The following EXOC4 variants were observed in gnomAD, a reference collection of about 807,000 sequenced individuals.
EXOC4 encodes the protein exocyst complex component 4.
EXOC4 carries 71 observed loss-of-function variants against 107.2 expected under a neutral mutation model. That is an observed-to-expected ratio of 0.66 (90% CI 0.55 to 0.81). The LOEUF (loss-of-function observed/expected upper bound fraction) is 0.81. EXOC4 is among the 30% of genes least tolerant of loss of function. EXOC4 has a pLI of 0.00. For missense variants in EXOC4, 1,108 were observed against 1,189.6 expected, an observed-to-expected ratio of 0.93 and a Z score of 1.01; for synonymous variants, 456 against 441.2, an observed-to-expected ratio of 1.03 and a Z score of -0.42.
At chr7:133,917,819 T>C in intron 13 of EXOC4, 81 bp downstream of exon 13, 7 of 1,364,932 alleles carry the variant, frequency 5.1e-6, no homozygotes, top group South Asian at 1.5e-5. Context: ...ACATGAAATT[T>C]AGGCAAATTC....
intron 12 of EXOC4, among the ~76,000 whole-genome samples, chr7:133,904,901 G>A (rs1799533815): frequency 6.6e-6 from 1 of 152,148 alleles, no homozygotes; most frequent in African/African-American, 2.4e-5. Flanking sequence ...CCCTCCCCCA[G>A]ATTGGCACCT....
intron 10 of EXOC4, among the ~76,000 whole-genome samples, chr7:133,795,062 C>G (rs1263664760): frequency 1.3e-5 from 2 of 150,488 alleles, no homozygotes; most frequent in Non-Finnish European, 2.9e-5. Flanking sequence ...GTTGAAGAGA[C>G]TATACAAAGA....
chr7:133,352,554 T>C (rs1398893826), intron 5 of EXOC4, among the ~76,000 whole-genome samples: 2 of 152,052 alleles, frequency 1.3e-5, no homozygotes, highest in Admixed American at 1.3e-4. Context: ...TGTGCCTTTG[T>C]AGACAGCATA....
chr7:133,991,461 C>A (rs1013065447), intron 14 of EXOC4, among the ~76,000 whole-genome samples: 5 of 151,898 alleles, frequency 3.3e-5, no homozygotes, highest in African/African-American at 9.7e-5. Flanking sequence ...TTGGCGTAAT[C>A]CCATTTGTTT....
chr7:133,670,149 C>A (rs1431864904), intron 10 of EXOC4, among the ~76,000 whole-genome samples: 1 of 152,116 alleles, frequency 6.6e-6, no homozygotes, highest in African/African-American at 2.4e-5. Context: ...AAGATTGGTG[C>A]CTACATTGCT....
chr7:133,806,160 G>A (rs746476966), intron 10 of EXOC4, among the ~76,000 whole-genome samples: 17 of 152,216 alleles, frequency 1.1e-4, no homozygotes, highest in Non-Finnish European at 2.5e-4. Flanking sequence ...GGGTAAACAA[G>A]TAGATAAATG....
intron 9 of EXOC4, chr7:133,483,939 G>C: frequency 8.2e-7 from 1 of 1,216,252 alleles, no homozygotes. Context: ...AACCGTAAGA[G>C]ACTAAGGGAA....
chr7:133,628,101 G>A (rs1316182944), intron 9 of EXOC4, among the ~76,000 whole-genome samples: 3 of 152,158 alleles, frequency 2.0e-5, no homozygotes, highest in Admixed American at 6.5e-5. Context: ...GAAACCAAAT[G>A]TTGCGAGTGT....
intron 10 of EXOC4, among the ~76,000 whole-genome samples, chr7:133,699,287 T>C (rs1006504326): frequency 6.6e-6 from 1 of 152,152 alleles, no homozygotes; most frequent in Non-Finnish European, 1.5e-5. Flanking sequence ...ACTGAGTCAG[T>C]GTTTTTTCCC....
intron 16 of EXOC4, among the ~76,000 whole-genome samples, chr7:134,006,519 G>A (rs893131199): frequency 6.6e-5 from 10 of 152,128 alleles, no homozygotes; most frequent in Non-Finnish European, 1.0e-4. Flanking sequence ...TGTAGCTGAA[G>A]CAAGACCTGA....
chr7:133,283,696 G>T (rs1048539245), intron 2 of EXOC4, among the ~76,000 whole-genome samples: 2 of 152,124 alleles, frequency 1.3e-5, no homozygotes, highest in Non-Finnish European at 2.9e-5. Context: ...TTTGGCAAAG[G>T]TATATATCAC....
intron 10 of EXOC4, among the ~76,000 whole-genome samples, chr7:133,781,780 T>G (rs555734558): frequency 6.6e-6 from 1 of 152,314 alleles, no homozygotes; most frequent in African/African-American, 2.4e-5. Context: ...GCTCAGACCC[T>G]CAACTCCCAA....
chr7:133,866,081 GA>G (rs1470121540), intron 11 of EXOC4, among the ~76,000 whole-genome samples: 1 of 152,160 alleles, frequency 6.6e-6, no homozygotes, highest in African/African-American at 2.4e-5. Flanking sequence ...TTTATGATGG[GA>G]AACTATTAAT....
At chr7:133,950,457 A>G (rs1304205753) in intron 14 of EXOC4, among the ~76,000 whole-genome samples, 2 of 148,992 alleles carry the variant, frequency 1.3e-5, no homozygotes, top group Non-Finnish European at 2.9e-5. Flanking sequence ...ATCTTCTGTC[A>G]TTGGGAACTC....
chr7:133,300,826 T>C (rs1247157575), intron 3 of EXOC4, among the ~76,000 whole-genome samples: 1 of 152,236 alleles, frequency 6.6e-6, no homozygotes, highest in Non-Finnish European at 1.5e-5. Flanking sequence ...TATTTGATCA[T>C]TTTTAACTTG....
chr7:133,828,559 A>C (rs1176684037), intron 11 of EXOC4, among the ~76,000 whole-genome samples: 3 of 152,314 alleles, frequency 2.0e-5, no homozygotes, highest in African/African-American at 7.2e-5. Flanking sequence ...TCAGCTTCAA[A>C]GTTTAATGGC....
chr7:133,953,581 G>A (rs1800744246), intron 14 of EXOC4, among the ~76,000 whole-genome samples: 1 of 152,146 alleles, frequency 6.6e-6, no homozygotes, highest in Admixed American at 6.5e-5. Context: ...AGCCTGGGAT[G>A]TCAAGGCTGC....
At chr7:133,583,120 T>C (rs770379499) in intron 9 of EXOC4, among the ~76,000 whole-genome samples, 2 of 152,218 alleles carry the variant, frequency 1.3e-5, no homozygotes, top group African/African-American at 2.4e-5. Context: ...TTTTAGAGTG[T>C]GTTTTTTTTC....
At chr7:133,264,458 T>C (rs1014877394) in intron 1 of EXOC4, among the ~76,000 whole-genome samples, 1 of 152,230 alleles carries the variant, frequency 6.6e-6, no homozygotes, top group Admixed American at 6.5e-5. Context: ...TGTGAATTGC[T>C]ATCAATTGGG....
Sources: gnomAD v4.1 joint callset for allele counts (sites outside exome capture counted in the v4.1 genomes callset) on GRCh38, gnomAD v4.1.1 for gene constraint, MANE v1.5 for transcripts, NCBI Gene and HGNC (gene_info 2026-07-23, HGNC 2026-07-21) for gene names.